PTPRE: variants seen among roughly 807,000 people sequenced by gnomAD.
The protein encoded by PTPRE is protein tyrosine phosphatase receptor type E.
PTPRE carries 51 observed loss-of-function variants against 102.0 expected under a neutral mutation model. That is an observed-to-expected ratio of 0.50 (90% confidence interval 0.40 to 0.63). The LOEUF (loss-of-function observed/expected upper bound fraction) is 0.63, where lower values mean the gene tolerates loss of function less well. Among genes scored for constraint, PTPRE ranks in the 30% least tolerant of loss-of-function variants. The pLI, the probability that PTPRE is intolerant of heterozygous loss-of-function variation, is 0.00. For synonymous variants in PTPRE, 345 were observed against 348.2 expected (o/e 0.99, Z 0.10); for missense variants, 752 against 915.1 (o/e 0.82, Z 2.30).
chr10:128,073,642 C>T (rs1850974210), intron 17 of PTPRE, among the ~76,000 whole-genome samples, 171 bp downstream of exon 17: 1 of 152,230 alleles, frequency 6.6e-6, no homozygotes, highest in Non-Finnish European at 1.5e-5. Context: ...TCATTTCACC[C>T]TTTCCCTTTT....
intron 1 of PTPRE, among the ~76,000 whole-genome samples, chr10:127,924,177 G>T (rs1029749526): frequency 6.6e-6 from 1 of 152,186 alleles, no homozygotes. Context: ...AGGGTGACAG[G>T]CATGACTGTT....
At chr10:127,979,461 G>A (rs554041972) in intron 1 of PTPRE, among the ~76,000 whole-genome samples, 2 of 152,312 alleles carry the variant, frequency 1.3e-5, no homozygotes, top group South Asian at 4.1e-4. Context: ...ACTGATAGTT[G>A]TGGTTTCCTA....
At chr10:128,061,057 G>T in intron 8 of PTPRE, 42 bp downstream of exon 8, 1 of 1,586,102 alleles carries the variant, frequency 6.3e-7, no homozygotes, top group Non-Finnish European at 8.7e-7. Context: ...CCCAGCTGGG[G>T]CATGAGCAGT....
chr10:128,072,183 A>G lies in PTPRE; in HGVS notation c.1433A>G (p.Tyr478Cys). The change falls in exon 16 of 21, where the codon TAC (tyrosine) becomes TGC (cysteine). Residue 478 changes from tyrosine (Y) to cysteine (C), a missense_variant. Tyr to Cys is a radical substitution (Grantham distance 194, BLOSUM62 -2). Around this residue, in one of 2 missense-constraint regions of PTPRE, gnomAD observed 636 missense variants for 824.4 expected, o/e 0.77. Transcript: ENST00000254667. ...VILSMKRGQE[Y>C]TDYINASFID... ...CTTTCCATGAAAAGGGGTCAAGAAT[A>G]CACAGACTACATCAACGCATCCTTC... is the stretch of plus-strand genomic sequence containing the variant. The G allele has an allele frequency of 6.2e-7, 1 of 1,614,074 alleles. No individual in the cohort carries two copies. The highest frequency in any genetic ancestry group is 8.5e-7 in the Non-Finnish European group (1 of 1,179,956).
chr10:127,909,957 C>G (rs1199504604), intron 1 of PTPRE, among the ~76,000 whole-genome samples: 1 of 152,128 alleles, frequency 6.6e-6, no homozygotes, highest in Non-Finnish European at 1.5e-5. Flanking sequence ...TGGCTTGGAC[C>G]AGAGACACCC....
At chr10:127,914,656 A>G (rs943190734) in intron 1 of PTPRE, among the ~76,000 whole-genome samples, 1 of 152,234 alleles carries the variant, frequency 6.6e-6, no homozygotes, top group Non-Finnish European at 1.5e-5. Flanking sequence ...TTTTCAGCAC[A>G]GAATATTTCC....
chr10:127,934,159 A>T (rs1847654554), intron 1 of PTPRE: 1 of 152,032 alleles, frequency 6.6e-6, no homozygotes, highest in African/African-American at 2.4e-5. Context: ...TTGGAAAAAA[A>T]GATGAAGTTT....
rs1375860366 is a variant in PTPRE, at chr10:128,083,834, CA to C, written c.*929del. 7.2e-5 allele frequency: 11 copies of C among 152,092 alleles called. No individual in the cohort carries two copies. The highest frequency in any genetic ancestry group is 2.7e-4 in the African/African-American group (11 of 41,404). The allele number at this position is 152,092 out of a possible 1,614,324, so 9.4% of individuals were successfully genotyped here. A position where few individuals can be genotyped will look rare whatever the true frequency, so the allele number is the denominator to read the frequency against. Reference sequence around the variant, plus strand: ...AGATGAACTGAGCGTCTTACACACGCAGTACAGAGGAGCACACATTAGGATA... The same window carrying C: ...AGATGAACTGAGCGTCTTACACACGCGTACAGAGGAGCACACATTAGGATA... On this transcript the variant is annotated 3_prime_UTR_variant, in exon 21 of 21. Transcript: ENST00000254667.
chr10:127,913,135 G>T (rs1410164356), intron 1 of PTPRE, among the ~76,000 whole-genome samples: 3 of 152,194 alleles, frequency 2.0e-5, no homozygotes, highest in African/African-American at 7.2e-5. Context: ...CAAGGCAGCT[G>T]CACGGGGATC....
At chr10:128,047,901 G>T in intron 5 of PTPRE, 64 bp downstream of exon 5, 5 of 1,477,734 alleles carry the variant, frequency 3.4e-6, no homozygotes, top group South Asian at 2.7e-5. Context: ...CAGACACTGA[G>T]GTGCTTTCTG....
Position 127,910,253 on chromosome 10 carries a change from A to G in PTPRE, c.-31+2944A>G, listed in dbSNP as rs540917097. On this transcript the variant is annotated intron_variant, in intron 1 of 20. Coordinates refer to ENST00000254667, the MANE Select transcript of PTPRE (RefSeq NM_006504.6). ...GGCTTTGTCTTCCATAAAGCTCCCA[A>G]AGCTTTCCAGATCCCAAGACTCAGC... is the stretch of plus-strand genomic sequence containing the variant. Among the ~76,000 whole-genome samples the G allele has an allele frequency of 2.6e-4, 39 of 152,112 alleles. 1 individual carries two copies. In the East Asian group the frequency reaches 5.0e-3, roughly 20 times the overall value.
chr10:128,041,498 A>AT (rs1238917145), intron 3 of PTPRE, among the ~76,000 whole-genome samples: 2 of 151,926 alleles, frequency 1.3e-5, no homozygotes, highest in Non-Finnish European at 2.9e-5. Flanking sequence ...AAGTACAAAA[A>AT]TTAGCTGGGC....
intron 2 of PTPRE, among the ~76,000 whole-genome samples, chr10:128,020,555 T>C (rs1845788066): frequency 6.6e-6 from 1 of 152,240 alleles, no homozygotes; most frequent in African/African-American, 2.4e-5. Flanking sequence ...ATTCTCTTCT[T>C]GGTTTATATT....
chr10:127,911,914 A>T (rs910857969), intron 1 of PTPRE, among the ~76,000 whole-genome samples: 5 of 151,912 alleles, frequency 3.3e-5, no homozygotes, highest in African/African-American at 1.2e-4. Flanking sequence ...GTGCTGGATG[A>T]TATTTTAGAT....
At chr10:127,967,233 C>T (rs2135410541) in intron 1 of PTPRE, among the ~76,000 whole-genome samples, 1 of 152,286 alleles carries the variant, frequency 6.6e-6, no homozygotes, top group East Asian at 1.9e-4. Context: ...GAGTAAAAAG[C>T]AATACCCACT....
At chr10:127,982,977 G>A (rs751125888) in intron 2 of PTPRE, among the ~76,000 whole-genome samples, 15 of 152,218 alleles carry the variant, frequency 9.9e-5, no homozygotes, top group Non-Finnish European at 1.5e-4. Context: ...GCAGCGTGCA[G>A]GTGAGTGGCA....
chr10:127,991,803 T>G (rs1852690482), intron 2 of PTPRE, among the ~76,000 whole-genome samples: 1 of 152,168 alleles, frequency 6.6e-6, no homozygotes, highest in Non-Finnish European at 1.5e-5. Flanking sequence ...CAATCCTTTC[T>G]GATCCATAAT....
intron 3 of PTPRE, among the ~76,000 whole-genome samples, chr10:128,043,313 GA>G (rs772137241): frequency 1.3e-4 from 20 of 152,244 alleles, no homozygotes; most frequent in Non-Finnish European, 2.6e-4. Flanking sequence ...GGTGATGGGA[GA>G]CAGTGACAGA....
rs1159378418 is a variant in PTPRE, at chr10:128,069,886, G to A, written c.1143+59G>A. 2.3e-5 allele frequency: 37 copies of A among 1,612,020 alleles called. No individual in the cohort carries two copies. The East Asian group carries it at 4.9e-4, about 21-fold the overall frequency. ...TTCCCAAAGCAAACCCGATGCCTTC[G>A]CCACACAGGTGTGCAGGGCCCTGGC... On this transcript the variant is annotated intron_variant, in intron 13 of 20. Coordinates refer to ENST00000254667, the MANE Select transcript of PTPRE (RefSeq NM_006504.6).
Sources: allele counts gnomAD v4.1 joint callset (sites outside exome capture counted in the v4.1 genomes callset), GRCh38; gene constraint gnomAD v4.1.1; regional missense constraint gnomAD v4.1.1; transcripts MANE v1.5; gene names NCBI Gene and HGNC (gene_info 2026-07-23, HGNC 2026-07-21).